Variants in ARHGAP15 observed in about 807,000 individuals in gnomAD.
ARHGAP15 encodes Rho GTPase activating protein 15, also known as rho GTPase-activating protein 15.
ARHGAP15 carries 51 observed loss-of-function variants against 63.7 expected under a neutral mutation model. The ratio of observed to expected loss-of-function variants is 0.80; its 90% CI spans 0.64 to 1.01. The LOEUF (loss-of-function observed/expected upper bound fraction) is 1.01. ARHGAP15 is among the 50% of genes least tolerant of loss of function. The probability of loss-of-function intolerance (pLI) is 0.00; values close to 1 mark genes in which losing one functional copy is unlikely to be tolerated. For missense variants in ARHGAP15, 560 were observed against 564.6 expected (o/e 0.99, Z 0.08); for synonymous variants, 191 against 193.8 (o/e 0.99, Z 0.12).
At chr2:143,347,677 T>C (rs931218883) in intron 6 of ARHGAP15, among the ~76,000 whole-genome samples, 12 of 152,140 alleles carry the variant, frequency 7.9e-5, no homozygotes, top group African/African-American at 2.2e-4. Flanking sequence ...CTATTAGCTC[T>C]CTGGATGTTG....
At chr2:143,545,216 T>C (rs1181638824) in intron 10 of ARHGAP15, among the ~76,000 whole-genome samples, 1 of 152,156 alleles carries the variant, frequency 6.6e-6, no homozygotes. Context: ...CCTGAATGCT[T>C]AGCAGAGGCA....
intron 11 of ARHGAP15, among the ~76,000 whole-genome samples, chr2:143,622,781 TAAAAAAAAAA>T (rs34925907): frequency 6.4e-5 from 7 of 109,042 alleles, no homozygotes; most frequent in South Asian, 3.0e-4. Flanking sequence ...TTCATTTATT[TAAAAAAAAAA>T]AAAAAAAAAA....
chr2:143,376,982 T>G (rs1422527794), intron 6 of ARHGAP15, among the ~76,000 whole-genome samples: 1 of 152,124 alleles, frequency 6.6e-6, no homozygotes, highest in Non-Finnish European at 1.5e-5. Context: ...CAGTAAGTAA[T>G]AAACAAGAAC....
intron 13 of ARHGAP15, among the ~76,000 whole-genome samples, chr2:143,721,773 G>A (rs562857625): frequency 7.2e-5 from 11 of 151,738 alleles, no homozygotes; most frequent in South Asian, 2.1e-4. Context: ...TGCAAGCTCC[G>A]CCTCCCGGGT....
At chr2:143,739,860 T>G (rs2105504796) in intron 13 of ARHGAP15, among the ~76,000 whole-genome samples, 1 of 152,316 alleles carries the variant, frequency 6.6e-6, no homozygotes, top group Non-Finnish European at 1.5e-5. Context: ...CCCCTGTTAC[T>G]AAAATGCACC....
intron 12 of ARHGAP15, among the ~76,000 whole-genome samples, chr2:143,689,642 G>T (rs890811324): frequency 6.6e-6 from 1 of 152,102 alleles, no homozygotes; most frequent in Non-Finnish European, 1.5e-5. Context: ...TAGCATACTT[G>T]TTCTCTTAAG....
intron 13 of ARHGAP15, among the ~76,000 whole-genome samples, chr2:143,754,554 T>A (rs1361569597): frequency 6.6e-6 from 1 of 152,190 alleles, no homozygotes; most frequent in Non-Finnish European, 1.5e-5. Context: ...ATATACTAGG[T>A]GTAGGCAGCT....
chr2:143,195,920 A>G (rs1196281312), intron 2 of ARHGAP15, among the ~76,000 whole-genome samples: 1 of 152,158 alleles, frequency 6.6e-6, no homozygotes, highest in Admixed American at 6.5e-5. Context: ...TTATTTTTAC[A>G]GTATGTAATA....
chr2:143,684,581 A>G (rs6708276), intron 12 of ARHGAP15, among the ~76,000 whole-genome samples: 50,004 of 152,016 alleles, frequency 0.33, 8,496 homozygotes, highest in Non-Finnish European at 0.36. Flanking sequence ...CTTGCTGCCC[A>G]GAGACCTTCA....
intron 6 of ARHGAP15, among the ~76,000 whole-genome samples, chr2:143,303,772 C>A (rs756784321): frequency 2.0e-5 from 3 of 151,750 alleles, no homozygotes; most frequent in Admixed American, 6.6e-5. Flanking sequence ...CAAGAAAAAA[C>A]CCCATCAAAA....
intron 9 of ARHGAP15, among the ~76,000 whole-genome samples, chr2:143,508,035 C>T (rs1255426429): frequency 6.6e-6 from 1 of 151,078 alleles, no homozygotes; most frequent in South Asian, 2.1e-4. Flanking sequence ...ATGTCACCCC[C>T]CCCTCCTCCA....
At chr2:143,620,624 G>A (rs139494970) in intron 11 of ARHGAP15, among the ~76,000 whole-genome samples, 157 of 152,070 alleles carry the variant, frequency 1.0e-3, no homozygotes, top group Non-Finnish European at 1.7e-3. Flanking sequence ...ACATAGTGGG[G>A]GCTTACTGGC....
intron 1 of ARHGAP15, among the ~76,000 whole-genome samples, chr2:143,143,319 G>T (rs1041777197): frequency 6.6e-6 from 1 of 151,890 alleles, no homozygotes; most frequent in African/African-American, 2.4e-5. Context: ...GAAAGAAGAG[G>T]ATACATTTTA....
intron 13 of ARHGAP15, among the ~76,000 whole-genome samples, chr2:143,761,980 A>G (rs1686775364): frequency 6.6e-6 from 1 of 152,190 alleles, no homozygotes; most frequent in Non-Finnish European, 1.5e-5. Context: ...AGGAATACAT[A>G]CAAAGTGCTA....
chr2:143,171,703 A>G (rs1353004250), intron 2 of ARHGAP15, among the ~76,000 whole-genome samples: 2 of 152,072 alleles, frequency 1.3e-5, no homozygotes, highest in African/African-American at 4.8e-5. Flanking sequence ...TAACCCTAAG[A>G]AAGGAATCCG....
At chr2:143,744,017 C>T (rs1269540547) in intron 13 of ARHGAP15, among the ~76,000 whole-genome samples, 1 of 152,142 alleles carries the variant, frequency 6.6e-6, no homozygotes, top group Non-Finnish European at 1.5e-5. Context: ...ACCCTGTGTA[C>T]ATAAATTAAT....
intron 11 of ARHGAP15, among the ~76,000 whole-genome samples, chr2:143,610,719 GTATT>G (rs10568746): frequency 0.29 from 43,453 of 150,546 alleles, 6,844 homozygotes; most frequent in East Asian, 0.44. Flanking sequence ...CTTGTTCAGT[GTATT>G]TATTTATTTA....
At chr2:143,679,654 CGTGTGTGTGTGTGTGTGT>C (rs60643761) in intron 12 of ARHGAP15, among the ~76,000 whole-genome samples, 35 of 149,950 alleles carry the variant, frequency 2.3e-4, no homozygotes, top group African/African-American at 8.2e-4. Flanking sequence ...TGCGTGTGTG[CGTGTGTGTGTGTGTGTGT>C]GTGTGTGTGT....
intron 3 of ARHGAP15, among the ~76,000 whole-genome samples, chr2:143,207,989 C>T (rs886189944): frequency 6.6e-6 from 1 of 152,084 alleles, no homozygotes; most frequent in Non-Finnish European, 1.5e-5. Flanking sequence ...CTCCACCATG[C>T]CTTAGGGTGG....
Sources: allele counts gnomAD v4.1 joint callset (sites outside exome capture counted in the v4.1 genomes callset), GRCh38; gene constraint gnomAD v4.1.1; transcripts MANE v1.5; gene names NCBI Gene and HGNC (gene_info 2026-07-23, HGNC 2026-07-21).